Variants in ENOX1 observed in about 807,000 individuals in gnomAD.
ENOX1 encodes the protein candidate growth-related and time keeping constitutive hydroquinone (NADH) oxidase.
Under a neutral mutation model 82.5 loss-of-function variants are expected in ENOX1, and 42 were observed. The observed-to-expected ratio is 0.51, with a 90% CI of 0.40 to 0.66. ENOX1 has a LOEUF of 0.66. ENOX1 is among the 30% of genes least tolerant of loss of function. The pLI is 0.00. For synonymous variants in ENOX1, 271 were observed against 282.2 expected (o/e 0.96, Z 0.40); for missense variants, 608 against 811.6 (o/e 0.75, Z 3.05).
intron 12 of ENOX1, among the ~76,000 whole-genome samples, chr13:43,290,190 G>A (rs1271337243): frequency 6.6e-6 from 1 of 152,180 alleles, no homozygotes; most frequent in East Asian, 1.9e-4. Context: ...ACTTAAAACA[G>A]AGCTATCATT....
At chr13:43,494,386 C>T (rs1383376983) in intron 2 of ENOX1, among the ~76,000 whole-genome samples, 1 of 152,066 alleles carries the variant, frequency 6.6e-6, no homozygotes, top group African/African-American at 2.4e-5. Flanking sequence ...TGTTTGCAAA[C>T]AAATATTGTA....
chr13:43,654,372 C>T (rs1466305926), intron 2 of ENOX1, among the ~76,000 whole-genome samples: 1 of 152,140 alleles, frequency 6.6e-6, no homozygotes, highest in Non-Finnish European at 1.5e-5. Flanking sequence ...TTTGGACTTA[C>T]CAGCACCGCA....
chr13:43,405,225 A>C (rs1323155), intron 5 of ENOX1, among the ~76,000 whole-genome samples: 7,461 of 152,166 alleles, frequency 0.049, 529 homozygotes, highest in African/African-American at 0.15. Context: ...TGGAGCCCTG[A>C]AATAGTAGGA....
chr13:43,258,850 A>G (rs2043898771), intron 14 of ENOX1, among the ~76,000 whole-genome samples: 1 of 152,206 alleles, frequency 6.6e-6, no homozygotes, highest in Non-Finnish European at 1.5e-5. Context: ...AAAAATACAA[A>G]TAAAATTACT....
chr13:43,490,125 A>G (rs2076570435), intron 2 of ENOX1, among the ~76,000 whole-genome samples: 3 of 152,068 alleles, frequency 2.0e-5, no homozygotes, highest in African/African-American at 4.8e-5. Flanking sequence ...TATTTTTGGT[A>G]GAGACAGGGT....
intron 11 of ENOX1, among the ~76,000 whole-genome samples, chr13:43,317,068 T>G (rs1019907641): frequency 6.6e-6 from 1 of 152,244 alleles, no homozygotes; most frequent in Non-Finnish European, 1.5e-5. Context: ...CAGCTTATCC[T>G]TCTATGCTTC....
chr13:43,717,360 C>A (rs2088219949), intron 1 of ENOX1, among the ~76,000 whole-genome samples: 1 of 152,174 alleles, frequency 6.6e-6, no homozygotes, highest in Admixed American at 6.5e-5. Context: ...TGAAACTGGA[C>A]TCCTACCTCT....
At chr13:43,666,895 G>A (rs1284370812) in intron 2 of ENOX1, among the ~76,000 whole-genome samples, 1 of 152,114 alleles carries the variant, frequency 6.6e-6, no homozygotes, top group Admixed American at 6.5e-5. Flanking sequence ...CAAAGAAAAA[G>A]ATAGCTCATA....
intron 2 of ENOX1, among the ~76,000 whole-genome samples, chr13:43,501,073 C>T (rs1045497913): frequency 1.3e-5 from 2 of 151,352 alleles, no homozygotes; most frequent in South Asian, 2.1e-4. Flanking sequence ...GGATCAAACT[C>T]ACCAAATAAA....
chr13:43,676,441 T>C (rs1480503146), intron 1 of ENOX1, among the ~76,000 whole-genome samples: 1 of 152,108 alleles, frequency 6.6e-6, no homozygotes, highest in African/African-American at 2.4e-5. Flanking sequence ...TCTACCAGGC[T>C]CTCCCTCAGA....
intron 16 of ENOX1, 76 bp downstream of exon 16, chr13:43,223,977 T>A (rs2041913264): frequency 1.8e-6 from 2 of 1,117,398 alleles, no homozygotes; most frequent in Non-Finnish European, 2.7e-6. Context: ...GTTCAGTTCA[T>A]GCAGAGTCCA....
chr13:43,668,039 A>C (rs1172568001), intron 1 of ENOX1, among the ~76,000 whole-genome samples: 1 of 152,218 alleles, frequency 6.6e-6, no homozygotes, highest in Non-Finnish European at 1.5e-5. Context: ...CACACTTATA[A>C]GCTTTCTCTC....
intron 2 of ENOX1, among the ~76,000 whole-genome samples, chr13:43,627,889 T>C (rs2083034877): frequency 6.6e-6 from 1 of 152,130 alleles, no homozygotes; most frequent in South Asian, 2.1e-4. Flanking sequence ...GGGTTTAGAA[T>C]TATGAGTTGA....
At chr13:43,366,103 C>G (rs1177149816) in intron 5 of ENOX1, among the ~76,000 whole-genome samples, 1 of 152,118 alleles carries the variant, frequency 6.6e-6, no homozygotes, top group Non-Finnish European at 1.5e-5. Flanking sequence ...TCTTGTTGTT[C>G]TATAATGTCA....
At chr13:43,576,161 C>T (rs575870561) in intron 2 of ENOX1, among the ~76,000 whole-genome samples, 1 of 152,322 alleles carries the variant, frequency 6.6e-6, no homozygotes, top group Admixed American at 6.5e-5. Context: ...AACCCCATCA[C>T]TTGCCTACTT....
chr13:43,305,847 C>G (rs1014889527), intron 11 of ENOX1, among the ~76,000 whole-genome samples: 1 of 152,314 alleles, frequency 6.6e-6, no homozygotes, highest in South Asian at 2.1e-4. Context: ...GGTGAGGATG[C>G]CTTTAGAGTC....
intron 1 of ENOX1, among the ~76,000 whole-genome samples, chr13:43,669,884 G>C (rs1266704892): frequency 6.6e-6 from 1 of 152,106 alleles, no homozygotes; most frequent in Non-Finnish European, 1.5e-5. Context: ...CAATTCTGGA[G>C]TACTTGGCTG....
chr13:43,634,291 C>T (rs2083332446), intron 2 of ENOX1, among the ~76,000 whole-genome samples: 2 of 152,180 alleles, frequency 1.3e-5, no homozygotes, highest in Non-Finnish European at 2.9e-5. Flanking sequence ...TTACTCCAAA[C>T]TCCCATCAAA....
chr13:43,537,304 A>T (rs2078504935), intron 2 of ENOX1, among the ~76,000 whole-genome samples: 1 of 152,196 alleles, frequency 6.6e-6, no homozygotes, highest in Non-Finnish European at 1.5e-5. Context: ...GCTACCAATG[A>T]CAAGTGAAGG....
Sources: allele counts gnomAD v4.1 joint callset (sites outside exome capture counted in the v4.1 genomes callset), GRCh38; gene constraint gnomAD v4.1.1; transcripts MANE v1.5; gene names NCBI Gene and HGNC (gene_info 2026-07-23, HGNC 2026-07-21).